The following GRIN2A variants were observed in gnomAD, a reference collection of about 807,000 sequenced individuals.
The protein encoded by GRIN2A is glutamate ionotropic receptor NMDA type subunit 2A.
Under a neutral mutation model 113.4 loss-of-function variants are expected in GRIN2A, and 22 were observed. The ratio of observed to expected loss-of-function variants is 0.19; its 90% CI spans 0.14 to 0.28. The LOEUF (loss-of-function observed/expected upper bound fraction) is 0.28, where lower values mean the gene tolerates loss of function less well. Ranked by LOEUF, GRIN2A falls within the 10% of genes least tolerant of loss-of-function variation. The pLI, the probability that GRIN2A is intolerant of heterozygous loss-of-function variation, is 1.00. For missense variants in GRIN2A, 1,502 were observed against 1,887.0 expected, an observed-to-expected ratio of 0.80 and a Z score of 3.78; for synonymous variants, 827 against 738.4, an observed-to-expected ratio of 1.12 and a Z score of -1.94.
chr16:10,005,671 C>T (rs1419832706), intron 2 of GRIN2A, among the ~76,000 whole-genome samples: 3 of 152,216 alleles, frequency 2.0e-5, no homozygotes, highest in African/African-American at 4.8e-5. Flanking sequence ...TTTCATGTAA[C>T]ATCTCCTGAT....
In GRIN2A at chr16:9,955,957, AG is replaced by A. The variant is rs554801292; in HGVS notation, c.415-17407del. Reference sequence around the variant, plus strand: ...GCATCACGCTGACAAAGTCTCTGCCAGGTGTTAGGTGCTGGTTCCTATCATT... The same window carrying A: ...GCATCACGCTGACAAAGTCTCTGCCAGTGTTAGGTGCTGGTTCCTATCATT... On this transcript the variant is annotated intron_variant, in intron 2 of 12. Coordinates refer to ENST00000330684, the MANE Select transcript of GRIN2A (RefSeq NM_001134407.3). Among the ~76,000 whole-genome samples the A allele has an allele frequency of 4.5e-4, 68 of 152,304 alleles. No individual in the cohort carries two copies. In the South Asian group the frequency reaches 0.011, roughly 24 times the overall value.
intron 2 of GRIN2A, among the ~76,000 whole-genome samples, chr16:10,038,847 C>CA (rs137915448): frequency 1.6e-3 from 205 of 126,836 alleles, no homozygotes; most frequent in Middle Eastern, 7.7e-3. Context: ...GACTCCTTCT[C>CA]AAAAAAAAAA....
At position 9,849,853 on chromosome 16, in the gene GRIN2A, G is replaced by C. The variant is rs2141369528; in HGVS notation, c.1231C>G (p.Leu411Val). The change falls in exon 5 of 13, where the codon CTG (leucine) becomes GTG (valine). Residue 411 changes from leucine to valine, a missense_variant. Physicochemically the swap from Leu to Val is conservative, Grantham distance 32 (BLOSUM62 1). Around this residue, in one of 7 missense-constraint regions of GRIN2A, gnomAD observed 334 missense variants for 403.0 expected, o/e 0.83. Coordinates refer to ENST00000330684, the MANE Select transcript of GRIN2A (RefSeq NM_001134407.3). ...PDDNHLSIVT[L>V]EEAPFVIVED... The stretch of plus-strand genomic sequence containing the variant: ...ACGATGACGAATGGGGCCTCCTCCA[G>C]GGTGACGATGCTGAGATGGTTGTCA... 1 of 1,614,014 alleles carries C rather than the reference G, an allele frequency of 6.2e-7. No homozygotes were observed. Among genetic ancestry groups the C allele is most frequent in the East Asian group, 2.2e-5 (1 of 44,868 alleles).
chr16:9,945,220 T>C (rs1384835669), intron 2 of GRIN2A, among the ~76,000 whole-genome samples: 2 of 151,992 alleles, frequency 1.3e-5, no homozygotes, highest in African/African-American at 4.8e-5. Flanking sequence ...GATGTCATAG[T>C]TCAGGAGTGG....
intron 2 of GRIN2A, among the ~76,000 whole-genome samples, chr16:9,990,228 C>T (rs549165702): frequency 7.4e-4 from 112 of 152,100 alleles, no homozygotes; most frequent in Non-Finnish European, 1.4e-3. Context: ...CATGTCCTTT[C>T]CAGCAGTATG....
chr16:9,778,850 A>T (rs1901767808), intron 11 of GRIN2A, among the ~76,000 whole-genome samples: 1 of 152,208 alleles, frequency 6.6e-6, no homozygotes, highest in Non-Finnish European at 1.5e-5. Context: ...TGGAAGCCCA[A>T]CCTTGTAGTC....
rs2042656684 is a variant in GRIN2A at position 9,840,613 on chromosome 16, T to C, written c.1651+34A>G. ...AAACAAGATTTCCTACAATTCCTTA[T>C]AGGAAAGCAATAGTCACTATGAAAT... is the stretch of plus-strand genomic sequence containing the variant. On this transcript the variant is annotated intron_variant, in intron 7 of 12. Transcript: ENST00000330684. The C allele has an allele frequency of 1.1e-5, 18 of 1,595,406 alleles. No individual in the cohort carries two copies. The Middle Eastern group carries it at 5.0e-4, about 44-fold the overall frequency.
intron 2 of GRIN2A, among the ~76,000 whole-genome samples, chr16:10,101,614 C>T (rs12918249): frequency 6.6e-6 from 1 of 152,330 alleles, no homozygotes; most frequent in East Asian, 1.9e-4. Context: ...TGGCCAACAC[C>T]TCTCAATCCA....
intron 3 of GRIN2A, among the ~76,000 whole-genome samples, chr16:9,908,952 A>G (rs17208905): frequency 0.42 from 63,131 of 152,044 alleles, 14,047 homozygotes; most frequent in Non-Finnish European, 0.5. Flanking sequence ...GGAATTAAAG[A>G]TGCTGAGTGA....
intron 3 of GRIN2A, among the ~76,000 whole-genome samples, chr16:9,918,312 T>C (rs1015700147): frequency 1.3e-5 from 2 of 152,218 alleles, no homozygotes; most frequent in East Asian, 1.9e-4. Context: ...AAACTGCAGA[T>C]AGTACAGAAC....
In GRIN2A at chr16:9,902,867, T is replaced by G. The variant is rs1878455881; in HGVS notation, c.1008-11767A>C. ...CTCTTCAGTCTAAACCCAGTATTTG[T>G]TTTTAACAAGGCTGATTTCAAGCTG... On this transcript the variant is annotated intron_variant, in intron 3 of 12. Coordinates refer to ENST00000330684, the MANE Select transcript of GRIN2A (RefSeq NM_001134407.3). Among the ~76,000 whole-genome samples, 6 of 151,670 alleles carry G rather than the reference T, an allele frequency of 4.0e-5. No homozygotes were observed. In the South Asian group the frequency reaches 1.3e-3, roughly 32 times the overall value.
intron 2 of GRIN2A, among the ~76,000 whole-genome samples, chr16:10,120,144 A>G (rs918672402): frequency 1.3e-5 from 2 of 152,214 alleles, no homozygotes; most frequent in Non-Finnish European, 2.9e-5. Flanking sequence ...AAGTTCTTTT[A>G]GGAATCATCA....
At chr16:9,869,278 C>T in intron 4 of GRIN2A, among the ~76,000 whole-genome samples, 1 of 152,058 alleles carries the variant, frequency 6.6e-6, no homozygotes, top group Non-Finnish European at 1.5e-5. Flanking sequence ...ACTAAAAATA[C>T]AAAAATTAGC....
At position 10,091,459 on chromosome 16, in the gene GRIN2A, C is replaced by CAT. The variant is rs1302987603; in HGVS notation, c.414+88538_414+88539insAT. Among the ~76,000 whole-genome samples the CAT allele has an allele frequency of 6.2e-4, 4 of 6,460 alleles. No homozygotes were observed. In the East Asian group the frequency reaches 0.071, roughly 115 times the overall value. The allele number at this position is 6,460 out of a possible 152,430, so 4.2% of individuals were successfully genotyped here. A position where few individuals can be genotyped will look rare whatever the true frequency, so the allele number is the denominator to read the frequency against. ...AAATACGTATGTATGTGTGTGTATA[C>CAT]ACACACACACACACACACACACACA... On this transcript the variant is annotated intron_variant, in intron 2 of 12. Transcript: ENST00000330684.
intron 2 of GRIN2A, among the ~76,000 whole-genome samples, chr16:10,064,275 G>C (rs1482046017): frequency 6.6e-6 from 1 of 152,100 alleles, no homozygotes; most frequent in Non-Finnish European, 1.5e-5. Flanking sequence ...GCATCAACAG[G>C]TACTTGAATG....
intron 3 of GRIN2A, among the ~76,000 whole-genome samples, chr16:9,922,507 T>A (rs2044376667): frequency 6.6e-6 from 1 of 151,978 alleles, no homozygotes; most frequent in Non-Finnish European, 1.5e-5. Flanking sequence ...CTGGACCCAG[T>A]TTTCTATTAT....
At chr16:10,064,392 T>G (rs185781170) in intron 2 of GRIN2A, among the ~76,000 whole-genome samples, 133 of 152,314 alleles carry the variant, frequency 8.7e-4, no homozygotes, top group African/African-American at 2.9e-3. Context: ...ACTGAGGTCT[T>G]GCCTGATTCC....
At chr16:9,905,114 C>T (rs1017138163) in intron 3 of GRIN2A, among the ~76,000 whole-genome samples, 2 of 152,226 alleles carry the variant, frequency 1.3e-5, no homozygotes, top group African/African-American at 4.8e-5. Flanking sequence ...ATCCATTGAA[C>T]ATCTACTTTA....
intron 2 of GRIN2A, among the ~76,000 whole-genome samples, chr16:10,012,543 G>A (rs891478402): frequency 1.3e-5 from 2 of 152,178 alleles, no homozygotes; most frequent in African/African-American, 4.8e-5. Context: ...ATGTGGGACA[G>A]GCAGAACAAT....
Sources: allele counts gnomAD v4.1 joint callset (sites outside exome capture counted in the v4.1 genomes callset), GRCh38; gene constraint gnomAD v4.1.1; regional missense constraint gnomAD v4.1.1; transcripts MANE v1.5; gene names NCBI Gene and HGNC (gene_info 2026-07-23, HGNC 2026-07-21).